SEC14L5: variants seen among roughly 807,000 people sequenced by gnomAD.
SEC14L5 encodes the protein SEC14-like protein 5.
In SEC14L5, 96 loss-of-function variants were observed where a neutral mutation model predicts 84.6. The ratio of observed to expected loss-of-function variants is 1.13; its 90% CI spans 0.96 to 1.34. SEC14L5 has a LOEUF of 1.34. Among genes scored for constraint, SEC14L5 ranks in the 40% most tolerant of loss-of-function variants. The pLI is 0.00. For synonymous variants in SEC14L5, 546 were observed against 383.4 expected (o/e 1.42, Z -4.95); for missense variants, 1,224 against 942.5 (o/e 1.30, Z -3.91).
chr16:5,015,296 C>T lies in SEC14L5; in HGVS notation c.*326C>T. On this transcript the variant is annotated 3_prime_UTR_variant, in exon 16 of 16. Coordinates refer to ENST00000251170, the MANE Select transcript of SEC14L5 (RefSeq NM_014692.2). ...GCCAGGCCCATCTCCTCTCTGTCCACCTCTTGCTCTGCTTTCGCCATGCAG... is the reference window on the plus strand; with the variant it reads ...GCCAGGCCCATCTCCTCTCTGTCCATCTCTTGCTCTGCTTTCGCCATGCAG... 6.8e-6 allele frequency: 2 copies of T among 292,096 alleles called. No individual in the cohort carries two copies. The highest frequency in any genetic ancestry group is 7.4e-5 in the South Asian group (1 of 13,490). 18.1% of individuals were successfully genotyped at this position (292,096 alleles called of 1,614,324 possible). A position where few individuals can be genotyped will look rare whatever the true frequency, so the allele number is the denominator to read the frequency against.
In SEC14L5 at chr16:5,011,201, C is replaced by T. The variant is rs745452672; in HGVS notation, c.1907C>T (p.Thr636Met). ...CSLPGVDDVL[T>M]ALHSPGPKCK... ...CTCCCGGGTGTGGACGATGTCCTGA[C>T]GGCTCTGCACAGCCCCGGGCCCAAG... is the stretch of plus-strand genomic sequence containing the variant. Residue 636 changes from threonine to methionine, a missense_variant, in exon 15 of 16, where the codon ACG (threonine) becomes ATG (methionine). Physicochemically the swap from Thr to Met is moderately conservative, Grantham distance 81. Transcript: ENST00000251170. 56 of 1,613,672 alleles carry T rather than the reference C, an allele frequency of 3.5e-5. No individual in the cohort carries two copies. In the Middle Eastern group the frequency reaches 9.9e-4, roughly 28 times the overall value.
At chr16:4,982,467 A>C (rs1439475941) in intron 2 of SEC14L5, among the ~76,000 whole-genome samples, 2 of 152,076 alleles carry the variant, frequency 1.3e-5, no homozygotes, top group African/African-American at 4.8e-5. Flanking sequence ...GCGTAGGTTC[A>C]TGGGCTTGGG....
In SEC14L5 at chr16:5,000,661, G is replaced by A. The variant is rs1476205448; in HGVS notation, c.977G>A (p.Arg326His). The part of the protein sequence containing the change: ...GGWHYQDIDG[R>H]PLYILRLGQM... ...CTTGGCCCCATCCACAAAGATGGCC[G>A]CCCCCTCTACATCCTCCGCCTGGGC... Residue 326 changes from arginine (R) to histidine (H), a missense_variant, in exon 9 of 16, where the codon CGC becomes CAC. By Grantham distance (29) the Arg-to-His change is conservative. Coordinates refer to ENST00000251170, the MANE Select transcript of SEC14L5 (RefSeq NM_014692.2). 9 of 1,551,032 alleles carry A rather than the reference G, an allele frequency of 5.8e-6. No individual in the cohort carries two copies. The highest frequency in any genetic ancestry group is 3.6e-5 in the South Asian group (3 of 84,060).
intron 2 of SEC14L5, among the ~76,000 whole-genome samples, chr16:4,976,961 A>G (rs540343160): frequency 6.6e-6 from 1 of 152,298 alleles, no homozygotes; most frequent in Admixed American, 6.5e-5. Flanking sequence ...GCTGGTTTCC[A>G]ACACAGAAAG....
At chr16:4,967,967 C>CTCCCTTCCCCTCCCCTCTCCT (rs980310985) in intron 2 of SEC14L5, among the ~76,000 whole-genome samples, 1 of 135,942 alleles carries the variant, frequency 7.4e-6, no homozygotes, top group African/African-American at 2.7e-5. Flanking sequence ...CCCCCTTCCC[C>CTCCCTTCCCCTCCCCTCTCCT]TCCCTTCCCC....
intron 2 of SEC14L5, among the ~76,000 whole-genome samples, chr16:4,963,440 GGTTCAA>G (rs1955153916): frequency 6.6e-6 from 1 of 152,066 alleles, no homozygotes; most frequent in African/African-American, 2.4e-5. Flanking sequence ...CCGCCTTCTG[GGTTCAA>G]GTGATTCTCT....
At chr16:5,004,008 A>G (rs1385164305) in intron 11 of SEC14L5, among the ~76,000 whole-genome samples, 2 of 152,220 alleles carry the variant, frequency 1.3e-5, no homozygotes, top group African/African-American at 2.4e-5. Flanking sequence ...ACGCCCACAC[A>G]CACACTCCTC....
chr16:4,982,473 T>C (rs1955436297), intron 2 of SEC14L5, among the ~76,000 whole-genome samples: 1 of 152,124 alleles, frequency 6.6e-6, no homozygotes, highest in Non-Finnish European at 1.5e-5. Flanking sequence ...GTTCATGGGC[T>C]TGGGGGCCCC....
chr16:5,001,964 C>T (rs978860895), intron 10 of SEC14L5, among the ~76,000 whole-genome samples: 2 of 151,978 alleles, frequency 1.3e-5, no homozygotes, highest in Admixed American at 1.3e-4. Flanking sequence ...GAGATGAGGT[C>T]TCACCCTGTT....
At chr16:4,964,643 C>T (rs1035584761) in intron 2 of SEC14L5, among the ~76,000 whole-genome samples, 2 of 152,082 alleles carry the variant, frequency 1.3e-5, no homozygotes, top group African/African-American at 4.8e-5. Flanking sequence ...GCACATTCCC[C>T]AATTCTTCTT....
rs141775463 is a variant in SEC14L5 at position 5,009,514 on chromosome 16, G to A, written c.1800+866G>A. Among the ~76,000 whole-genome samples, 470 of 152,044 alleles carry A rather than the reference G, an allele frequency of 3.1e-3. 5 individuals are homozygous for A. Among genetic ancestry groups the A allele is most frequent in the African/African-American group, 0.011 (459 of 41,492 alleles). On this transcript the variant is annotated intron_variant, in intron 14 of 15. Coordinates refer to ENST00000251170, the MANE Select transcript of SEC14L5 (RefSeq NM_014692.2). ...AACTTTTGTATTTTTTGTAGAGATG[G>A]GGTCTTGCTATGTTGCCCAGGATGA...
At chr16:5,012,732 C>G (rs1359001753) in intron 15 of SEC14L5, among the ~76,000 whole-genome samples, 2 of 151,740 alleles carry the variant, frequency 1.3e-5, no homozygotes, top group African/African-American at 2.4e-5. Flanking sequence ...TGGCGAAACC[C>G]CGTCTTTACT....
intron 4 of SEC14L5, among the ~76,000 whole-genome samples, chr16:4,988,875 C>A (rs73510476): frequency 1.3e-5 from 2 of 152,248 alleles, no homozygotes; most frequent in African/African-American, 4.8e-5. Flanking sequence ...GACCACTGCC[C>A]TCACGGAGGG....
chr16:4,985,115 T>C (rs1292577946), intron 2 of SEC14L5, among the ~76,000 whole-genome samples: 1 of 152,218 alleles, frequency 6.6e-6, no homozygotes, highest in Non-Finnish European at 1.5e-5. Flanking sequence ...TTTGATGCCA[T>C]AAGTAAAAAA....
intron 8 of SEC14L5, 115 bp from the exon 9 acceptor site, chr16:5,000,540 C>T (rs1441145710): frequency 2.7e-6 from 2 of 747,198 alleles, no homozygotes; most frequent in South Asian, 3.4e-5. Context: ...CTGGATCGGG[C>T]CTTGGTGGGT....
intron 2 of SEC14L5, among the ~76,000 whole-genome samples, chr16:4,977,006 G>C (rs945068118): frequency 3.9e-5 from 6 of 152,334 alleles, no homozygotes; most frequent in African/African-American, 1.4e-4. Context: ...AGGACCTTGG[G>C]AGGTATGAAA....
chr16:4,993,669 C>G (rs1274193859), intron 6 of SEC14L5, among the ~76,000 whole-genome samples: 1 of 152,166 alleles, frequency 6.6e-6, no homozygotes, highest in Non-Finnish European at 1.5e-5. Flanking sequence ...TTTAAAATGT[C>G]TGTAAGTATA....
At chr16:4,977,746 C>T (rs1316317400) in intron 2 of SEC14L5, among the ~76,000 whole-genome samples, 2 of 151,962 alleles carry the variant, frequency 1.3e-5, no homozygotes, top group African/African-American at 4.8e-5. Context: ...GGTAAGGTCC[C>T]TCTCCACTTG....
At chr16:5,014,752 G>A (rs903218039) in intron 15 of SEC14L5, 107 bp from the exon 16 acceptor site, 6 of 788,316 alleles carry the variant, frequency 7.6e-6, no homozygotes, top group Non-Finnish European at 1.0e-5. Context: ...TCGGCCTGGG[G>A]CCCTGGGGCC....
Sources: gnomAD v4.1 joint callset for allele counts (sites outside exome capture counted in the v4.1 genomes callset) on GRCh38, gnomAD v4.1.1 for gene constraint, MANE v1.5 for transcripts, NCBI Gene and HGNC (gene_info 2026-07-23, HGNC 2026-07-21) for gene names.